ANKRD44: variants seen among roughly 807,000 people sequenced by gnomAD.
ANKRD44 encodes the protein serine/threonine-protein phosphatase 6 regulatory ankyrin repeat subunit B.
A neutral mutation model predicts 116.0 loss-of-function variants in ANKRD44; 35 were observed. That is an observed-to-expected ratio of 0.30 (90% confidence interval 0.23 to 0.40). ANKRD44 has a LOEUF of 0.40. Among genes scored for constraint, ANKRD44 ranks in the 10% least tolerant of loss-of-function variants. The pLI, the probability that ANKRD44 is intolerant of heterozygous loss-of-function variation, is 1.00. For missense variants in ANKRD44, 1,014 were observed against 1,242.6 expected, an observed-to-expected ratio of 0.82 and a Z score of 2.77; for synonymous variants, 435 against 461.8, an observed-to-expected ratio of 0.94 and a Z score of 0.74.
At chr2:197,094,112 T>G (rs933410524) in intron 10 of ANKRD44, among the ~76,000 whole-genome samples, 11 of 152,210 alleles carry the variant, frequency 7.2e-5, no homozygotes, top group Non-Finnish European at 1.6e-4. Flanking sequence ...ATTTGGGGTC[T>G]TTGAAGCTTT....
chr2:197,151,081 C>CTT lies in ANKRD44; in HGVS notation c.112-3978_112-3977dup, dbSNP rs548163806. Among the ~76,000 whole-genome samples the CTT allele has an allele frequency of 1.1e-3, 149 of 132,754 alleles. 1 individual carries two copies. Among genetic ancestry groups the CTT allele is most frequent in the African/African-American group, 3.8e-3 (127 of 33,484 alleles). The allele number at this position is 132,754 out of a possible 152,430, so 87.1% of individuals were successfully genotyped here. ...ATTGCCTGTATAGTCTGGGAATTTA[C>CTT]TTTTTTTTTTTTAATCCAGGAACTT... On this transcript the variant is annotated intron_variant, in intron 2 of 27. Coordinates refer to ENST00000282272, the MANE Select transcript of ANKRD44 (RefSeq NM_001195144.2).
intron 25 of ANKRD44, among the ~76,000 whole-genome samples, chr2:196,997,593 G>A (rs897218740): frequency 6.6e-6 from 1 of 151,752 alleles, no homozygotes; most frequent in Admixed American, 6.6e-5. Flanking sequence ...GGGATTACAG[G>A]CATGCGCCAC....
chr2:197,079,555 A>C (rs1559045515), intron 15 of ANKRD44, among the ~76,000 whole-genome samples: 1 of 152,260 alleles, frequency 6.6e-6, no homozygotes, highest in Non-Finnish European at 1.5e-5. Flanking sequence ...ACAAGTACCC[A>C]GGAATGTAAT....
At chr2:197,048,551 G>A (rs4519540) in intron 16 of ANKRD44, among the ~76,000 whole-genome samples, 91,665 of 152,036 alleles carry the variant, frequency 0.6, 30,629 homozygotes, top group East Asian at 0.86. Context: ...AGTATTCCAT[G>A]GTGTATATGT....
chr2:197,156,693 A>C (rs2079824597), intron 2 of ANKRD44, among the ~76,000 whole-genome samples: 1 of 152,242 alleles, frequency 6.6e-6, no homozygotes, highest in Non-Finnish European at 1.5e-5. Context: ...AAAAACTAGA[A>C]GTAATCCAAG....
chr2:197,031,273 G>C (rs1296801892), intron 16 of ANKRD44, among the ~76,000 whole-genome samples: 1 of 151,774 alleles, frequency 6.6e-6, no homozygotes, highest in Non-Finnish European at 1.5e-5. Flanking sequence ...TAACCTAAAA[G>C]TGATGTTATA....
chr2:197,056,675 AATG>A (rs2077209960), intron 16 of ANKRD44, among the ~76,000 whole-genome samples: 1 of 152,166 alleles, frequency 6.6e-6, no homozygotes, highest in African/African-American at 2.4e-5. Flanking sequence ...TGCTAGTAAA[AATG>A]ATAATATTTT....
intron 16 of ANKRD44, among the ~76,000 whole-genome samples, chr2:197,075,220 C>T (rs1262563221): frequency 6.6e-6 from 1 of 152,088 alleles, no homozygotes; most frequent in Non-Finnish European, 1.5e-5. Context: ...CCTCAAAGAT[C>T]TTTATGTTCA....
At chr2:197,210,116 T>C (rs1191721316) in intron 1 of ANKRD44, among the ~76,000 whole-genome samples, 3 of 152,146 alleles carry the variant, frequency 2.0e-5, no homozygotes, top group African/African-American at 7.2e-5. Context: ...GTGGAGAATG[T>C]TTACTTAGGT....
intron 1 of ANKRD44, among the ~76,000 whole-genome samples, chr2:197,262,764 G>C (rs1279560143): frequency 6.6e-6 from 1 of 152,042 alleles, no homozygotes; most frequent in Non-Finnish European, 1.5e-5. Flanking sequence ...AATTAGCCAG[G>C]CATGGTGGAG....
intron 1 of ANKRD44, among the ~76,000 whole-genome samples, chr2:197,265,761 ACTTTC>A (rs940849382): frequency 6.6e-6 from 1 of 152,184 alleles, no homozygotes; most frequent in Non-Finnish European, 1.5e-5. Flanking sequence ...AATGGGTATC[ACTTTC>A]CTTTAACACT....
chr2:197,297,545 T>C (rs2083759382), intron 1 of ANKRD44, among the ~76,000 whole-genome samples: 1 of 152,162 alleles, frequency 6.6e-6, no homozygotes, highest in Non-Finnish European at 1.5e-5. Context: ...AACTTCCCCG[T>C]AAAGCAAGTA....
intron 1 of ANKRD44, among the ~76,000 whole-genome samples, chr2:197,226,536 C>A (rs751180816): frequency 2.0e-5 from 3 of 152,000 alleles, no homozygotes; most frequent in African/African-American, 4.8e-5. Flanking sequence ...TGGTGGTGCA[C>A]GCCTGTAGTC....
At chr2:197,230,995 C>A (rs533322118) in intron 1 of ANKRD44, among the ~76,000 whole-genome samples, 1 of 152,052 alleles carries the variant, frequency 6.6e-6, no homozygotes, top group Non-Finnish European at 1.5e-5. Flanking sequence ...AAAATGGGCC[C>A]AGAAGAAAAG....
At chr2:197,193,655 G>A (rs1355597913) in intron 1 of ANKRD44, among the ~76,000 whole-genome samples, 1 of 152,066 alleles carries the variant, frequency 6.6e-6, no homozygotes, top group African/African-American at 2.4e-5. Flanking sequence ...CGAGGAGGGT[G>A]GATCACGAGG....
chr2:197,121,124 T>C (rs1467279353), intron 8 of ANKRD44, among the ~76,000 whole-genome samples: 1 of 152,010 alleles, frequency 6.6e-6, no homozygotes, highest in Non-Finnish European at 1.5e-5. Flanking sequence ...AGATGGTGTT[T>C]CACCATCTTC....
intron 1 of ANKRD44, among the ~76,000 whole-genome samples, chr2:197,272,546 G>C (rs941206329): frequency 6.6e-6 from 1 of 152,152 alleles, no homozygotes; most frequent in Non-Finnish European, 1.5e-5. Flanking sequence ...AATTTCTATC[G>C]TTTATAAGCC....
chr2:197,089,896 T>A, intron 11 of ANKRD44, 54 bp downstream of exon 11: 1 of 1,506,044 alleles, frequency 6.6e-7, no homozygotes, highest in Non-Finnish European at 9.2e-7. Context: ...CCTGAAGCCA[T>A]TGACTCATGT....
At chr2:197,114,415 A>T (rs949232434) in intron 8 of ANKRD44, among the ~76,000 whole-genome samples, 1 of 152,210 alleles carries the variant, frequency 6.6e-6, no homozygotes. Flanking sequence ...CCTAAGTCAT[A>T]AAGGAAAAAT....
Sources: gnomAD v4.1 joint callset for allele counts (sites outside exome capture counted in the v4.1 genomes callset) on GRCh38, gnomAD v4.1.1 for gene constraint, MANE v1.5 for transcripts, NCBI Gene and HGNC (gene_info 2026-07-23, HGNC 2026-07-21) for gene names.